PLAC8L1: variants seen among roughly 807,000 people sequenced by gnomAD.
PLAC8L1 encodes PLAC8 like 1, also known as PLAC8-like protein 1.
PLAC8L1 carries 13 observed loss-of-function variants against 16.3 expected under a neutral mutation model. The observed-to-expected ratio is 0.80, with a 90% CI of 0.52 to 1.27. The LOEUF (loss-of-function observed/expected upper bound fraction) is 1.27. PLAC8L1 is among the 50% of genes most tolerant of loss of function. The pLI, the probability that PLAC8L1 is intolerant of heterozygous loss-of-function variation, is 0.00. For synonymous variants in PLAC8L1, 78 were observed against 79.3 expected (o/e 0.98, Z 0.09); for missense variants, 184 against 220.2 (o/e 0.84, Z 1.04).
rs575083446 is a variant in PLAC8L1, at chr5:146,097,655, C to A, written c.256+501G>T. 5.9e-5 allele frequency among the ~76,000 whole-genome samples: 9 copies of A among 152,242 alleles called. No individual in the cohort carries two copies. In the East Asian group the frequency reaches 1.7e-3, roughly 29 times the overall value. ...GACTTTTCGTGGCTGTATAATAATT[C>A]ATTGTGTGGATTCCTCTTGTTGAAC... is the stretch of plus-strand genomic sequence containing the variant. On this transcript the variant is annotated intron_variant, in intron 2 of 3. Coordinates refer to ENST00000311450, the MANE Select transcript of PLAC8L1 (RefSeq NM_001029869.3).
chr5:146,098,000 T>C (rs907751609), intron 2 of PLAC8L1, among the ~76,000 whole-genome samples, 156 bp downstream of exon 2: 2 of 152,224 alleles, frequency 1.3e-5, no homozygotes, highest in African/African-American at 4.8e-5. Flanking sequence ...GCAAGATTTT[T>C]CCAGACAAGG....
At chr5:146,085,701 C>G in intron 2 of PLAC8L1, 104 bp from the exon 3 acceptor site, 1 of 1,216,212 alleles carries the variant, frequency 8.2e-7, no homozygotes, top group Non-Finnish European at 1.1e-6. Flanking sequence ...TAATGCTGCA[C>G]TGTCTCCCTG....
intron 2 of PLAC8L1, among the ~76,000 whole-genome samples, chr5:146,089,175 A>C (rs1763568846): frequency 6.6e-6 from 1 of 152,192 alleles, no homozygotes. Context: ...TTTTAAAAAA[A>C]ACACACGCTT....
intron 1 of PLAC8L1, among the ~76,000 whole-genome samples, chr5:146,099,878 C>T (rs1169346398): frequency 6.6e-6 from 1 of 152,072 alleles, no homozygotes; most frequent in Non-Finnish European, 1.5e-5. Context: ...CATTGTGGAT[C>T]TTATTAAGAT....
At chr5:146,096,408 T>C (rs190316885) in intron 2 of PLAC8L1, among the ~76,000 whole-genome samples, 1 of 152,298 alleles carries the variant, frequency 6.6e-6, no homozygotes, top group East Asian at 1.9e-4. Flanking sequence ...CAACCCTAAA[T>C]CCCTAACTGA....
At chr5:146,094,158 C>T (rs140008558) in intron 2 of PLAC8L1, among the ~76,000 whole-genome samples, 2 of 152,330 alleles carry the variant, frequency 1.3e-5, no homozygotes, top group African/African-American at 2.4e-5. Context: ...TCTCGACTCA[C>T]TGCAACCTCT....
Position 146,084,555 on chromosome 5 carries a change from G to A in PLAC8L1, c.411C>T (p.Asp137=). 6.2e-7 allele frequency: 1 copy of A among 1,613,826 alleles called. No homozygotes were observed. Among genetic ancestry groups the A allele is most frequent in the Non-Finnish European group, 8.5e-7 (1 of 1,180,036 alleles). ...CCCAACAGCAGTGCACCGCCAGCCAGTCTTCACACAGTGTGCCCTAGGGCA... is the reference window on the plus strand; with the variant it reads ...CCCAACAGCAGTGCACCGCCAGCCAATCTTCACACAGTGTGCCCTAGGGCA... ...RHKIQGTLCE[D]WLAVHCCWAF... is the part of the protein sequence containing the mutation. The change falls in exon 4 of 4, where the codon GAC becomes GAT. Residue 137 remains aspartate (D), a synonymous_variant. Coordinates refer to ENST00000311450, the MANE Select transcript of PLAC8L1 (RefSeq NM_001029869.3).
intron 1 of PLAC8L1, among the ~76,000 whole-genome samples, chr5:146,101,949 G>C (rs937240907): frequency 6.6e-6 from 1 of 151,892 alleles, no homozygotes; most frequent in Non-Finnish European, 1.5e-5. Context: ...TTATAGCAAG[G>C]AATGCTGTAT....
chr5:146,103,083 T>C (rs1763848072), intron 1 of PLAC8L1, among the ~76,000 whole-genome samples: 1 of 152,174 alleles, frequency 6.6e-6, no homozygotes. Context: ...CCAGGCACGG[T>C]GATGCACACC....
intron 2 of PLAC8L1, among the ~76,000 whole-genome samples, chr5:146,091,545 T>G (rs1763617295): frequency 6.6e-6 from 1 of 151,942 alleles, no homozygotes; most frequent in Non-Finnish European, 1.5e-5. Flanking sequence ...CTCTAAAATT[T>G]CAACACTTTG....
chr5:146,092,768 C>T lies in PLAC8L1; in HGVS notation c.256+5388G>A, dbSNP rs951046236. ...GGCCAGGCTGGTCTCAAACTCCTGA[C>T]CTTGTGATCTGCCCGCCTTGGCCTC... On this transcript the variant is annotated intron_variant, in intron 2 of 3. Transcript: ENST00000311450. Among the ~76,000 whole-genome samples the T allele has an allele frequency of 3.9e-5, 6 of 152,090 alleles. No homozygotes were observed. The South Asian group carries it at 1.2e-3, about 31-fold the overall frequency.
chr5:146,095,018 A>G (rs1462490467), intron 2 of PLAC8L1, among the ~76,000 whole-genome samples: 1 of 152,228 alleles, frequency 6.6e-6, no homozygotes, highest in African/African-American at 2.4e-5. Context: ...TCCCCAATTA[A>G]AAGTCTTTCT....
At chr5:146,100,339 A>G (rs146738789) in intron 1 of PLAC8L1, among the ~76,000 whole-genome samples, 278 of 152,272 alleles carry the variant, frequency 1.8e-3, no homozygotes, top group African/African-American at 6.2e-3. Flanking sequence ...ATGAAGTGGA[A>G]CTATGAAATA....
At position 146,104,828 on chromosome 5, in the gene PLAC8L1, A is replaced by C. The variant is rs1393438807; in HGVS notation, c.-517T>G. On this transcript the variant is annotated 5_prime_UTR_variant, in exon 1 of 4. Transcript: ENST00000311450. ...CAGGTATTGTATTTGAATCCATCTTATGAAAGGTGGTCTCCTCAAGTTTGA... is the reference window on the plus strand; with the variant it reads ...CAGGTATTGTATTTGAATCCATCTTCTGAAAGGTGGTCTCCTCAAGTTTGA... The C allele has an allele frequency of 6.5e-6, 1 of 153,300 alleles. No homozygotes were observed. The highest frequency in any genetic ancestry group is 1.5e-5 in the Non-Finnish European group (1 of 68,872). 9.5% of individuals were successfully genotyped at this position (153,300 alleles called of 1,614,324 possible).
intron 1 of PLAC8L1, among the ~76,000 whole-genome samples, chr5:146,099,878 C>G (rs1169346398): frequency 6.6e-6 from 1 of 152,190 alleles, no homozygotes. Flanking sequence ...CATTGTGGAT[C>G]TTATTAAGAT....
At chr5:146,093,643 G>T (rs1465133227) in intron 2 of PLAC8L1, among the ~76,000 whole-genome samples, 2 of 152,178 alleles carry the variant, frequency 1.3e-5, no homozygotes, top group Non-Finnish European at 2.9e-5. Flanking sequence ...TGCCTCCTAT[G>T]GTCTAAATGC....
At chr5:146,101,757 G>C (rs1338382499) in intron 1 of PLAC8L1, among the ~76,000 whole-genome samples, 1 of 152,192 alleles carries the variant, frequency 6.6e-6, no homozygotes, top group East Asian at 1.9e-4. Flanking sequence ...GCAGAGGGTA[G>C]CCTAAAAGCT....
At chr5:146,087,932 C>T (rs756163563) in intron 2 of PLAC8L1, among the ~76,000 whole-genome samples, 1 of 152,072 alleles carries the variant, frequency 6.6e-6, no homozygotes, top group Non-Finnish European at 1.5e-5. Context: ...TTTTAAACAA[C>T]CAGATCTCAT....
chr5:146,100,595 T>C (rs960566825), intron 1 of PLAC8L1, among the ~76,000 whole-genome samples: 4 of 152,198 alleles, frequency 2.6e-5, no homozygotes, highest in African/African-American at 9.7e-5. Context: ...ATATGAATGG[T>C]TGCTAAGAAG....
Sources: gnomAD v4.1 joint callset for allele counts (sites outside exome capture counted in the v4.1 genomes callset) on GRCh38, gnomAD v4.1.1 for gene constraint, MANE v1.5 for transcripts, NCBI Gene and HGNC (gene_info 2026-07-23, HGNC 2026-07-21) for gene names.